Variants in ZBTB7C observed in about 807,000 individuals in gnomAD.
The protein encoded by ZBTB7C is zinc finger and BTB domain containing 7C, also known as zinc finger and BTB domain-containing protein 7C.
Under a neutral mutation model 25.7 loss-of-function variants are expected in ZBTB7C, and 8 were observed. The ratio of observed to expected loss-of-function variants is 0.31; its 90% CI spans 0.18 to 0.56. The LOEUF (loss-of-function observed/expected upper bound fraction) is 0.56, where lower values mean the gene tolerates loss of function less well. Among genes scored for constraint, ZBTB7C ranks in the 20% least tolerant of loss-of-function variants. The pLI, the probability that ZBTB7C is intolerant of heterozygous loss-of-function variation, is 0.91. For synonymous variants in ZBTB7C, 394 were observed against 369.0 expected (o/e 1.07, Z -0.78); for missense variants, 824 against 855.2 (o/e 0.96, Z 0.46).
chr18:48,335,811 A>C (rs1239697501), intron 2 of ZBTB7C, among the ~76,000 whole-genome samples: 1 of 152,242 alleles, frequency 6.6e-6, no homozygotes, highest in Admixed American at 6.5e-5. Flanking sequence ...TGCTAATTAC[A>C]TGTTAAAATA....
intron 1 of ZBTB7C, among the ~76,000 whole-genome samples, chr18:48,362,748 CA>C (rs2047138216): frequency 1.3e-5 from 2 of 152,172 alleles, no homozygotes. Flanking sequence ...TAACTCCACA[CA>C]CCCCCAAAAC....
intron 3 of ZBTB7C, among the ~76,000 whole-genome samples, chr18:48,132,289 G>T (rs189739465): frequency 1.3e-5 from 2 of 152,318 alleles, no homozygotes; most frequent in African/African-American, 4.8e-5. Flanking sequence ...CGACTCAAAA[G>T]TGTTAGGTTA....
At chr18:48,270,243 TTCTC>T (rs1246733873) in intron 2 of ZBTB7C, among the ~76,000 whole-genome samples, 19 of 150,172 alleles carry the variant, frequency 1.3e-4, no homozygotes, top group African/African-American at 4.1e-4. Context: ...CTAGTTCTTT[TTCTC>T]TCTTTCTTTT....
chr18:48,345,821 C>G (rs1353254939), intron 1 of ZBTB7C, among the ~76,000 whole-genome samples: 1 of 152,228 alleles, frequency 6.6e-6, no homozygotes, highest in Non-Finnish European at 1.5e-5. Flanking sequence ...CAAGGCCCAG[C>G]TCTGCTGCCA....
chr18:48,130,119 C>A (rs913029984), intron 3 of ZBTB7C, among the ~76,000 whole-genome samples: 1 of 152,176 alleles, frequency 6.6e-6, no homozygotes, highest in African/African-American at 2.4e-5. Context: ...ATGCAGGCCT[C>A]TCCAAAATCC....
chr18:48,095,650 T>C (rs537975316), intron 3 of ZBTB7C, among the ~76,000 whole-genome samples: 2 of 152,150 alleles, frequency 1.3e-5, no homozygotes, highest in South Asian at 4.2e-4. Flanking sequence ...AGGTAGAGAT[T>C]GCAATGAGCC....
Position 48,324,329 on chromosome 18 carries a change from C to T in ZBTB7C, c.-79+13845G>A, listed in dbSNP as rs191604188. ...CATCACCCCAAGAGAGCAGTGTGCA[C>T]ACCACCCTAAGATGGGAAAGAGTAC... On this transcript the variant is annotated intron_variant, in intron 2 of 4. Transcript: ENST00000590800. 1.3e-4 allele frequency among the ~76,000 whole-genome samples: 20 copies of T among 152,224 alleles called. No homozygotes were observed. In the East Asian group the frequency reaches 3.5e-3, roughly 26 times the overall value.
chr18:48,298,273 C>T (rs1187242091), intron 2 of ZBTB7C, among the ~76,000 whole-genome samples: 2 of 127,736 alleles, frequency 1.6e-5, no homozygotes, highest in Non-Finnish European at 3.4e-5. Context: ...GAGCGAGACT[C>T]TGTCTCAAAA....
At chr18:48,354,957 T>C (rs2046944103) in intron 1 of ZBTB7C, among the ~76,000 whole-genome samples, 1 of 152,190 alleles carries the variant, frequency 6.6e-6, no homozygotes, top group Admixed American at 6.5e-5. Context: ...AGGAGGGCTT[T>C]CCCTGAACCA....
At chr18:48,385,075 A>G (rs1343487499) in intron 1 of ZBTB7C, among the ~76,000 whole-genome samples, 1 of 152,216 alleles carries the variant, frequency 6.6e-6, no homozygotes, top group Admixed American at 6.5e-5. Context: ...GCAGAAGGTC[A>G]TGTGAGATGA....
intron 3 of ZBTB7C, among the ~76,000 whole-genome samples, chr18:48,057,919 G>A (rs369070667): frequency 3.9e-5 from 6 of 152,286 alleles, no homozygotes; most frequent in South Asian, 2.1e-4. Flanking sequence ...CCCATGTTCT[G>A]CCCAGCACCT....
chr18:48,165,115 T>C (rs1187493618), intron 3 of ZBTB7C: 2 of 1,289,108 alleles, frequency 1.6e-6, no homozygotes, highest in Non-Finnish European at 2.0e-6. Flanking sequence ...AATCCCAGCA[T>C]TACAGGGACA....
intron 4 of ZBTB7C, among the ~76,000 whole-genome samples, chr18:48,038,584 C>T (rs1598753833): frequency 6.7e-6 from 1 of 150,042 alleles, no homozygotes; most frequent in Non-Finnish European, 1.5e-5. Flanking sequence ...AGCATAGTCC[C>T]TGATTTGATA....
chr18:48,330,186 A>G lies in ZBTB7C; in HGVS notation c.-79+7988T>C, dbSNP rs144488026. 9.5e-3 allele frequency among the ~76,000 whole-genome samples: 1,443 copies of G among 152,298 alleles called. 16 individuals are homozygous for G. Among genetic ancestry groups the G allele is most frequent in the African/African-American group, 0.033 (1,383 of 41,556 alleles). ...TAAGCTCTGTCTAGGGCTCTTGAGGACAGGGCATGCCCCAGCATGTCTTTA... is the reference window on the plus strand; with the variant it reads ...TAAGCTCTGTCTAGGGCTCTTGAGGGCAGGGCATGCCCCAGCATGTCTTTA... On this transcript the variant is annotated intron_variant, in intron 2 of 4. Transcript: ENST00000590800.
At chr18:48,388,808 G>C (rs2047810883) in intron 1 of ZBTB7C, among the ~76,000 whole-genome samples, 1 of 152,220 alleles carries the variant, frequency 6.6e-6, no homozygotes, top group Non-Finnish European at 1.5e-5. Context: ...GTTGGAGCTG[G>C]AAGAGAGATA....
chr18:48,374,857 A>G (rs947730422), intron 1 of ZBTB7C, among the ~76,000 whole-genome samples: 3 of 152,204 alleles, frequency 2.0e-5, no homozygotes, highest in African/African-American at 7.2e-5. Flanking sequence ...TAGCAGACAC[A>G]AGAGCTGTGA....
intron 1 of ZBTB7C, among the ~76,000 whole-genome samples, chr18:48,366,940 C>T (rs530863121): frequency 8.6e-5 from 13 of 151,910 alleles, no homozygotes; most frequent in East Asian, 1.9e-4. Flanking sequence ...AAGGACACAC[C>T]GCACTGGTGA....
At chr18:48,189,098 C>T (rs1193516022) in intron 2 of ZBTB7C, among the ~76,000 whole-genome samples, 1 of 152,194 alleles carries the variant, frequency 6.6e-6, no homozygotes, top group Non-Finnish European at 1.5e-5. Context: ...CCATGGTTGC[C>T]GGATTGCCTT....
chr18:48,110,228 A>T (rs2039187863), intron 3 of ZBTB7C, among the ~76,000 whole-genome samples: 1 of 152,142 alleles, frequency 6.6e-6, no homozygotes, highest in Non-Finnish European at 1.5e-5. Context: ...ACCACAGTCC[A>T]TACCACACTG....
Sources: allele counts gnomAD v4.1 joint callset (sites outside exome capture counted in the v4.1 genomes callset), GRCh38; gene constraint gnomAD v4.1.1; transcripts MANE v1.5; gene names NCBI Gene and HGNC (gene_info 2026-07-23, HGNC 2026-07-21).